Variants in ASIC2 observed in about 807,000 individuals in gnomAD.
ASIC2 encodes acid-sensing ion channel 2.
Under a neutral mutation model 57.3 loss-of-function variants are expected in ASIC2, and 25 were observed. That is an observed-to-expected ratio of 0.44 (90% confidence interval 0.32 to 0.61). ASIC2 has a LOEUF of 0.61. Ranked by LOEUF, ASIC2 falls within the 20% of genes least tolerant of loss-of-function variation. ASIC2 has a pLI of 0.06. For synonymous variants in ASIC2, 319 were observed against 307.5 expected (o/e 1.04, Z -0.39); for missense variants, 641 against 738.1 (o/e 0.87, Z 1.52).
chr17:34,040,011 C>A (rs990831980), intron 1 of ASIC2: 120 of 549,528 alleles, frequency 2.2e-4, no homozygotes, highest in Non-Finnish European at 3.3e-4. Flanking sequence ...CCGCAACCCC[C>A]CGCCCGGGCA....
At chr17:33,345,357 C>T (rs1907902734) in intron 1 of ASIC2, among the ~76,000 whole-genome samples, 1 of 152,180 alleles carries the variant, frequency 6.6e-6, no homozygotes, top group Non-Finnish European at 1.5e-5. Context: ...GATCCCTATC[C>T]TCACATATGT....
chr17:33,145,678 GA>G, intron 1 of ASIC2, among the ~76,000 whole-genome samples: 1 of 152,162 alleles, frequency 6.6e-6, no homozygotes, highest in East Asian at 1.9e-4. Flanking sequence ...CTTCATCTAT[GA>G]AAATGAGGGA....
chr17:33,792,940 C>T (rs1295017099), intron 1 of ASIC2: 1 of 152,210 alleles, frequency 6.6e-6, no homozygotes, highest in Non-Finnish European at 1.5e-5. Flanking sequence ...AACACCCTCT[C>T]CAAATGGCCA....
At chr17:33,688,549 T>C (rs893538743) in intron 1 of ASIC2, among the ~76,000 whole-genome samples, 2 of 152,218 alleles carry the variant, frequency 1.3e-5, no homozygotes, top group Admixed American at 6.5e-5. Context: ...GTCTCAGCCG[T>C]GCTGCATGTT....
In ASIC2 at chr17:33,067,755, G is replaced by A. The variant is rs200383200; in HGVS notation, c.987+21108C>T. Reference sequence around the variant, plus strand: ...CAGGGTAGAGAGAAACAGCAACTTTGCAAAGTTAAAAAAGAAGAGAAGTGA... The same window carrying A: ...CAGGGTAGAGAGAAACAGCAACTTTACAAAGTTAAAAAAGAAGAGAAGTGA... On this transcript the variant is annotated intron_variant, in intron 3 of 9. Transcript: ENST00000225823. 2.0e-5 allele frequency among the ~76,000 whole-genome samples: 3 copies of A among 152,264 alleles called. No individual in the cohort carries two copies. The East Asian group carries it at 5.8e-4, about 29-fold the overall frequency.
rs71144896 is a variant in ASIC2 at position 33,678,435 on chromosome 17, C to CCACACACACACACACACACACACACA, written c.555+477517_555+477542dup. On this transcript the variant is annotated intron_variant, in intron 1 of 9. Coordinates refer to the ASIC2 transcript ENST00000359872. ...TCTGAACTATGGTGCCTGGTTCAAT[C>CCACACACACACACACACACACACACA]CACACACACACACACACACACACAC... Among the ~76,000 whole-genome samples the CCACACACACACACACACACACACACA allele has an allele frequency of 3.5e-3, 485 of 139,584 alleles. 14 individuals are homozygous for CCACACACACACACACACACACACACA. Among genetic ancestry groups the CCACACACACACACACACACACACACA allele is most frequent in the African/African-American group, 0.012 (441 of 38,072 alleles). 91.6% of individuals were successfully genotyped at this position (139,584 alleles called of 152,430 possible).
intron 1 of ASIC2, among the ~76,000 whole-genome samples, chr17:33,628,770 C>A (rs961871562): frequency 6.6e-6 from 1 of 152,148 alleles, no homozygotes; most frequent in Non-Finnish European, 1.5e-5. Context: ...ACAATTATTA[C>A]CTCCATCTAA....
chr17:33,970,639 C>T (rs1211620842), intron 1 of ASIC2, among the ~76,000 whole-genome samples: 1 of 152,236 alleles, frequency 6.6e-6, no homozygotes, highest in Non-Finnish European at 1.5e-5. Context: ...GCCCCTAACA[C>T]AGACCCAGGG....
intron 1 of ASIC2, among the ~76,000 whole-genome samples, chr17:33,777,634 C>T (rs1212614897): frequency 1.3e-5 from 2 of 152,232 alleles, no homozygotes; most frequent in East Asian, 3.9e-4. Context: ...ATTTGGACAC[C>T]TGAATTCAGC....
In ASIC2 at chr17:33,054,660, G is replaced by A. The variant is rs981527742; in HGVS notation, c.988-26268C>T. 5.9e-5 allele frequency among the ~76,000 whole-genome samples: 9 copies of A among 152,272 alleles called. No homozygotes were observed. The East Asian group carries it at 7.7e-4, about 13-fold the overall frequency. ...ATGGTGCAGGTTTAGCAAATGTGGC[G>A]TCTCGGGCGTTCCAGCACTTCATTT... On this transcript the variant is annotated intron_variant, in intron 3 of 9. Coordinates refer to ENST00000225823, the MANE Select transcript of ASIC2 (RefSeq NM_183377.2).
intron 1 of ASIC2, among the ~76,000 whole-genome samples, chr17:33,685,119 C>T (rs1908141284): frequency 6.6e-6 from 1 of 152,178 alleles, no homozygotes; most frequent in South Asian, 2.1e-4. Flanking sequence ...CCTGGGGGGG[C>T]TTAGTCTTTC....
intron 1 of ASIC2, among the ~76,000 whole-genome samples, chr17:33,614,859 C>T (rs1905541326): frequency 6.6e-6 from 1 of 152,220 alleles, no homozygotes; most frequent in Non-Finnish European, 1.5e-5. Context: ...TATATCTCAA[C>T]TCTGCCACTT....
chr17:33,295,777 G>C (rs921778084), upstream of ASIC2, among the ~76,000 whole-genome samples: 3 of 152,214 alleles, frequency 2.0e-5, no homozygotes, highest in Non-Finnish European at 4.4e-5. Context: ...GCCAGGTACA[G>C]AACTAGGCAC....
rs189483942 is a variant in ASIC2, at chr17:33,168,199, G to A, written c.709-56132C>T. ...ACTTACCAGCCTCAGAACTGGGAGC[G>A]AAATAAACTTTAGTTCTTTATAAAT... On this transcript the variant is annotated intron_variant, in intron 1 of 9. Coordinates refer to ENST00000225823, the MANE Select transcript of ASIC2 (RefSeq NM_183377.2). Among the ~76,000 whole-genome samples, 146 of 152,306 alleles carry A rather than the reference G, an allele frequency of 9.6e-4. 1 individual carries two copies. The highest frequency in any genetic ancestry group is 1.5e-3 in the African/African-American group (63 of 41,566).
intron 1 of ASIC2, among the ~76,000 whole-genome samples, chr17:33,747,221 T>A (rs552888974): frequency 6.9e-6 from 1 of 145,498 alleles, no homozygotes; most frequent in South Asian, 2.1e-4. Flanking sequence ...CATCCAGCCG[T>A]CTTTTTTTTT....
intron 1 of ASIC2, among the ~76,000 whole-genome samples, chr17:33,383,711 A>G (rs1909570111): frequency 6.6e-6 from 1 of 152,212 alleles, no homozygotes; most frequent in African/African-American, 2.4e-5. Flanking sequence ...TCAATGACTC[A>G]GACAAATACA....
intron 2 of ASIC2, among the ~76,000 whole-genome samples, chr17:33,092,883 G>A (rs2092163178): frequency 6.6e-6 from 1 of 152,182 alleles, no homozygotes; most frequent in African/African-American, 2.4e-5. Context: ...AATGTTTGTT[G>A]AATGGAACAA....
At chr17:33,546,844 T>G (rs139357119) in intron 1 of ASIC2, among the ~76,000 whole-genome samples, 329 of 152,318 alleles carry the variant, frequency 2.2e-3, no homozygotes, top group Non-Finnish European at 3.7e-3. Context: ...CAGCTCCTCC[T>G]GCAGCTCAAC....
At chr17:33,809,361 C>T (rs986741502) in intron 1 of ASIC2, among the ~76,000 whole-genome samples, 3 of 152,210 alleles carry the variant, frequency 2.0e-5, no homozygotes, top group Admixed American at 6.5e-5. Flanking sequence ...TCAGGACCTG[C>T]CTGGACTGGG....
Sources: gnomAD v4.1 joint callset for allele counts (sites outside exome capture counted in the v4.1 genomes callset) on GRCh38, gnomAD v4.1.1 for gene constraint, MANE v1.5 for transcripts, NCBI Gene and HGNC (gene_info 2026-07-23, HGNC 2026-07-21) for gene names.